The following C18orf32 variants were observed in gnomAD, a reference collection of about 807,000 sequenced individuals.
C18orf32 encodes the protein UPF0729 protein C18orf32.
C18orf32 carries 5 observed loss-of-function variants against 7.4 expected under a neutral mutation model. The observed-to-expected ratio is 0.68, with a 90% CI of 0.35 to 1.42. The LOEUF is 1.42. Among genes scored for constraint, C18orf32 ranks in the 40% most tolerant of loss-of-function variants. C18orf32 has a pLI of 0.04. For synonymous variants in C18orf32, 30 were observed against 29.3 expected (o/e 1.02, Z -0.08); for missense variants, 88 against 92.4 (o/e 0.95, Z 0.19).
At chr18:49,483,933 C>A (rs2083699580) in intron 1 of C18orf32, among the ~76,000 whole-genome samples, 162 bp from the exon 2 acceptor site, 1 of 151,332 alleles carries the variant, frequency 6.6e-6, no homozygotes, top group Non-Finnish European at 1.5e-5. Flanking sequence ...GAGTTTGAAA[C>A]CAACTTGCAC....
chr18:49,483,312 CATCA>C (rs1473670483), intron 2 of C18orf32, among the ~76,000 whole-genome samples: 1 of 152,088 alleles, frequency 6.6e-6, no homozygotes, highest in African/African-American at 2.4e-5. Context: ...TTATCAAAGT[CATCA>C]ATCAGTGAAA....
chr18:49,477,799 A>AAAAACAT lies in C18orf32; in HGVS notation c.*4545_*4546insATGTTTT, dbSNP rs760268884. ...TTCCAAAAACAAACAAACAAACAAA[A>AAAAACAT]ATATATATATATACACACACTATAT... is the stretch of plus-strand genomic sequence containing the variant. On this transcript the variant is annotated 3_prime_UTR_variant, in exon 3 of 3. Coordinates refer to ENST00000318240, the MANE Select transcript of C18orf32 (RefSeq NM_001035005.4). The AAAAACAT allele has an allele frequency of 1.4e-5, 2 of 140,654 alleles. No individual in the cohort carries two copies. The highest frequency in any genetic ancestry group is 3.0e-5 in the Non-Finnish European group (2 of 66,774). The allele number at this position is 140,654 out of a possible 1,614,324, so 8.7% of individuals were successfully genotyped here.
rs898786453 is a variant in C18orf32 at position 49,478,703 on chromosome 18, G to A, written c.*3642C>T. 1 of 150,406 alleles carries A rather than the reference G, an allele frequency of 6.6e-6. No individual in the cohort carries two copies. Among genetic ancestry groups the A allele is most frequent in the Non-Finnish European group, 1.5e-5 (1 of 68,040 alleles). 9.3% of individuals were successfully genotyped at this position (150,406 alleles called of 1,614,324 possible). A position where few individuals can be genotyped will look rare whatever the true frequency, so the allele number is the denominator to read the frequency against. On this transcript the variant is annotated 3_prime_UTR_variant, in exon 3 of 3. Transcript: ENST00000318240. The stretch of plus-strand genomic sequence containing the variant: ...AAAAGGCAGCCCTGACCTTTACACA[G>A]ACAGATGTTGATATTTTAGGGCAAA...
rs1385518212 is a variant in C18orf32, at chr18:49,487,178, A to G, written c.-159T>C. 3.3e-5 allele frequency: 5 copies of G among 152,732 alleles called. No homozygotes were observed. The South Asian group carries it at 1.0e-3, about 32-fold the overall frequency. 9.5% of individuals were successfully genotyped at this position (152,732 alleles called of 1,614,324 possible). A position where few individuals can be genotyped will look rare whatever the true frequency, so the allele number is the denominator to read the frequency against. Reference sequence around the variant, plus strand: ...GCCTGCGGAGCAGCTACAAAGCCCAACCCAGGCCGCTAGCCCGGGCACACT... The same window carrying G: ...GCCTGCGGAGCAGCTACAAAGCCCAGCCCAGGCCGCTAGCCCGGGCACACT... On this transcript the variant is annotated 5_prime_UTR_variant, in exon 1 of 3. Coordinates refer to ENST00000318240, the MANE Select transcript of C18orf32 (RefSeq NM_001035005.4).
chr18:49,486,844 G>A (rs1308279556), intron 1 of C18orf32, among the ~76,000 whole-genome samples, 199 bp downstream of exon 1: 1 of 152,172 alleles, frequency 6.6e-6, no homozygotes, highest in Non-Finnish European at 1.5e-5. Flanking sequence ...GAAAAGAGAC[G>A]AGAACAGAGG....
At chr18:49,482,533 C>T (rs1568494838) in intron 2 of C18orf32, 123 bp from the exon 3 acceptor site, 1 of 646,244 alleles carries the variant, frequency 1.5e-6, no homozygotes, top group Non-Finnish European at 2.7e-6. Flanking sequence ...TCGAGACCAT[C>T]CTGGCTGACA....
chr18:49,484,254 G>A (rs1405265826), intron 1 of C18orf32, among the ~76,000 whole-genome samples: 1 of 147,682 alleles, frequency 6.8e-6, no homozygotes, highest in African/African-American at 2.5e-5. Context: ...TATTATATTT[G>A]CTAAAAAAAA....
In C18orf32 at chr18:49,483,696, T is replaced by G; in HGVS notation, c.53A>C (p.Lys18Thr). Residue 18 changes from lysine to threonine, a missense_variant, in exon 2 of 3, where the codon AAA becomes ACA. Transcript: ENST00000318240. Reference protein sequence around the residue: ...VIPVLLWIYKKFLEPYIYPLV... With the variant: ...VIPVLLWIYKTFLEPYIYPLV... ...AGGGTATATATATGGCTCCAGGAAT[T>G]TTTTGTAGATCCAGAGCAGAACTGG... is the stretch of plus-strand genomic sequence containing the variant. 1 of 1,613,774 alleles carries G rather than the reference T, an allele frequency of 6.2e-7. No homozygotes were observed. Among genetic ancestry groups the G allele is most frequent in the Non-Finnish European group, 8.5e-7 (1 of 1,179,976 alleles).
intron 1 of C18orf32, 136 bp from the exon 2 acceptor site, chr18:49,483,907 G>A (rs911065181): frequency 3.0e-6 from 3 of 1,013,394 alleles, no homozygotes; most frequent in Admixed American, 6.4e-5. Flanking sequence ...GAGGCAAGAG[G>A]ATAGCTTGAG....
Position 49,483,609 on chromosome 18 carries a change from G to C in C18orf32, c.140C>G (p.Thr47Arg). Reference sequence around the variant, plus strand: ...CTTAAAGTTTACTTTGCCTTTGTTTGTATCATTGGATTCTTGTATTGCTTT... The same window carrying C: ...CTTAAAGTTTACTTTGCCTTTGTTTCTATCATTGGATTCTTGTATTGCTTT... ...PKKAIQESND[T>R]NKGKVNFKGA... The change falls in exon 2 of 3, where the codon ACA (threonine) becomes AGA (arginine). Residue 47 changes from threonine (T) to arginine (R), a missense_variant. Physicochemically the swap from Thr to Arg is moderately conservative, Grantham distance 71 (BLOSUM62 -1). Coordinates refer to ENST00000318240, the MANE Select transcript of C18orf32 (RefSeq NM_001035005.4). 6.2e-7 allele frequency: 1 copy of C among 1,607,538 alleles called. No homozygotes were observed. Among genetic ancestry groups the C allele is most frequent in the Non-Finnish European group, 8.5e-7 (1 of 1,178,598 alleles).
chr18:49,484,420 G>C (rs1214747944), intron 1 of C18orf32: 1 of 151,854 alleles, frequency 6.6e-6, no homozygotes, highest in African/African-American at 2.4e-5. Flanking sequence ...GTGAAACCCT[G>C]TCTCTACTAA....
rs2083642335 is a variant in C18orf32, at chr18:49,479,357, A to C, written c.*2988T>G. ...GAGGACTGCAGTGTGCACCAGGTCT[A>C]GGCAACAACTAGGCAGGAGAGGTGT... On this transcript the variant is annotated 3_prime_UTR_variant, in exon 3 of 3. Coordinates refer to ENST00000318240, the MANE Select transcript of C18orf32 (RefSeq NM_001035005.4). 2 of 152,290 alleles carry C rather than the reference A, an allele frequency of 1.3e-5. No homozygotes were observed. The highest frequency in any genetic ancestry group is 2.9e-5 in the Non-Finnish European group (2 of 68,090). 9.4% of individuals were successfully genotyped at this position (152,290 alleles called of 1,614,324 possible). A position where few individuals can be genotyped will look rare whatever the true frequency, so the allele number is the denominator to read the frequency against.
Position 49,477,799 on chromosome 18 carries a change from A to T in C18orf32, c.*4546T>A, listed in dbSNP as rs200438052. The T allele has an allele frequency of 1.1e-4, 15 of 140,660 alleles. No homozygotes were observed. Among genetic ancestry groups the T allele is most frequent in the Non-Finnish European group, 1.5e-4 (10 of 66,778 alleles). The allele number at this position is 140,660 out of a possible 1,614,324, so 8.7% of individuals were successfully genotyped here. On this transcript the variant is annotated 3_prime_UTR_variant, in exon 3 of 3. Coordinates refer to ENST00000318240, the MANE Select transcript of C18orf32 (RefSeq NM_001035005.4). Reference sequence around the variant, plus strand: ...TTCCAAAAACAAACAAACAAACAAAAATATATATATATACACACACTATAT... The same window carrying T: ...TTCCAAAAACAAACAAACAAACAAATATATATATATATACACACACTATAT...
Position 49,479,683 on chromosome 18 carries a change from C to G in C18orf32, c.*2662G>C, listed in dbSNP as rs1004575417. On this transcript the variant is annotated 3_prime_UTR_variant, in exon 3 of 3. Coordinates refer to ENST00000318240, the MANE Select transcript of C18orf32 (RefSeq NM_001035005.4). ...GACTTCTGGCTGAGGAACAGTTGGC[C>G]TGAGGTGACCTTGCAGAGAGAGGGC... The G allele has an allele frequency of 3.9e-5, 6 of 152,286 alleles. No homozygotes were observed. The highest frequency in any genetic ancestry group is 7.3e-5 in the Non-Finnish European group (5 of 68,134). 9.4% of individuals were successfully genotyped at this position (152,286 alleles called of 1,614,324 possible). A position where few individuals can be genotyped will look rare whatever the true frequency, so the allele number is the denominator to read the frequency against.
rs2083669040 is a variant in C18orf32, at chr18:49,482,173, A to G, written c.*172T>C. ...AGGAATGAGGTCATTAAATATAACT[A>G]ACTACATTTTAAATACGGATATCAT... On this transcript the variant is annotated 3_prime_UTR_variant, in exon 3 of 3. Transcript: ENST00000318240. 1.7e-6 allele frequency: 1 copy of G among 600,950 alleles called. No homozygotes were observed. The highest frequency in any genetic ancestry group is 2.9e-6 in the Non-Finnish European group (1 of 340,020). 37.2% of individuals were successfully genotyped at this position (600,950 alleles called of 1,614,324 possible).
chr18:49,480,531 C>G lies in C18orf32; in HGVS notation c.*1814G>C, dbSNP rs1600470775. 6.6e-6 allele frequency: 1 copy of G among 151,176 alleles called. No homozygotes were observed. Among genetic ancestry groups the G allele is most frequent in the South Asian group, 2.1e-4 (1 of 4,738 alleles). 9.4% of individuals were successfully genotyped at this position (151,176 alleles called of 1,614,324 possible). A position where few individuals can be genotyped will look rare whatever the true frequency, so the allele number is the denominator to read the frequency against. ...CTGTAATCCCAGCACTTTGGGAAGC[C>G]AAAGTGGAGGATCGCTTGAGCCCAG... On this transcript the variant is annotated 3_prime_UTR_variant, in exon 3 of 3. Coordinates refer to ENST00000318240, the MANE Select transcript of C18orf32 (RefSeq NM_001035005.4).
At chr18:49,485,459 C>T (rs1054018376) in intron 1 of C18orf32, among the ~76,000 whole-genome samples, 10 of 151,580 alleles carry the variant, frequency 6.6e-5, no homozygotes, top group African/African-American at 2.2e-4. Flanking sequence ...GAGGCTGAGG[C>T]AGGAGAATTG....
chr18:49,481,187 TGA>T lies in C18orf32; in HGVS notation c.*1156_*1157del, dbSNP rs1464705591. The T allele has an allele frequency of 6.6e-6, 1 of 152,174 alleles. No individual in the cohort carries two copies. Among genetic ancestry groups the T allele is most frequent in the African/African-American group, 2.4e-5 (1 of 41,446 alleles). 9.4% of individuals were successfully genotyped at this position (152,174 alleles called of 1,614,324 possible). On this transcript the variant is annotated 3_prime_UTR_variant, in exon 3 of 3. Coordinates refer to ENST00000318240, the MANE Select transcript of C18orf32 (RefSeq NM_001035005.4). ...AAAAGCTGAGACCTGCTGATTTACA[TGA>T]TTTATATCAAATAAAGCCCAAGGTA...
intron 2 of C18orf32, among the ~76,000 whole-genome samples, chr18:49,482,677 A>T (rs1002545990): frequency 6.6e-6 from 1 of 151,654 alleles, no homozygotes; most frequent in Admixed American, 6.6e-5. Context: ...TGGTGAGCCA[A>T]GATTATGCCA....
Sources: allele counts gnomAD v4.1 joint callset (sites outside exome capture counted in the v4.1 genomes callset), GRCh38; gene constraint gnomAD v4.1.1; transcripts MANE v1.5; gene names NCBI Gene and HGNC (gene_info 2026-07-23, HGNC 2026-07-21).